Variants in SCARA5 observed in about 807,000 individuals in gnomAD.
SCARA5 encodes the protein scavenger receptor class A member 5.
A neutral mutation model predicts 46.3 loss-of-function variants in SCARA5; 45 were observed. That is an observed-to-expected ratio of 0.97 (90% CI 0.76 to 1.24). The LOEUF (loss-of-function observed/expected upper bound fraction) is 1.24, where lower values mean the gene tolerates loss of function less well. SCARA5 is among the 50% of genes most tolerant of loss of function. SCARA5 has a pLI of 0.00. For synonymous variants in SCARA5, 333 were observed against 306.5 expected (o/e 1.09, Z -0.90); for missense variants, 680 against 689.0 (o/e 0.99, Z 0.15).
At chr8:27,966,688 C>A (rs994694672) in intron 2 of SCARA5, 146 bp from the exon 3 acceptor site, 12 of 832,536 alleles carry the variant, frequency 1.4e-5, no homozygotes, top group Non-Finnish European at 2.0e-5. Context: ...AGAATGCAGC[C>A]ACTTGATGGG....
intron 2 of SCARA5, among the ~76,000 whole-genome samples, chr8:27,984,977 A>G (rs1480226041): frequency 6.6e-6 from 1 of 152,040 alleles, no homozygotes; most frequent in Admixed American, 6.5e-5. Context: ...TCATCCATCC[A>G]TCTATTCCCT....
chr8:27,893,531 TG>T (rs111504727), intron 7 of SCARA5, among the ~76,000 whole-genome samples: 8,946 of 152,232 alleles, frequency 0.059, 317 homozygotes, highest in South Asian at 0.1. Flanking sequence ...ACCCTGGAGC[TG>T]GAAGGGGTCT....
intron 7 of SCARA5, among the ~76,000 whole-genome samples, chr8:27,880,678 C>T (rs1806796966): frequency 6.6e-6 from 1 of 151,744 alleles, no homozygotes; most frequent in African/African-American, 2.4e-5. Flanking sequence ...ATGGGGAAAC[C>T]CTGTCTCTAC....
chr8:27,922,146 T>C lies in SCARA5; in HGVS notation c.341A>G (p.Gln114Arg). 1 of 1,607,434 alleles carries C rather than the reference T, an allele frequency of 6.2e-7. No homozygotes were observed. Among genetic ancestry groups the C allele is most frequent in the Non-Finnish European group, 8.5e-7 (1 of 1,177,792 alleles). Reference protein sequence around the residue: ...SFRDLQLRLLQAPLQADLTEQ... With the variant: ...SFRDLQLRLLRAPLQADLTEQ... ...CGTCAGGTCCGCTTGCAGCGGAGCC[T>C]GCAGCAGCCGCAGCTGCAAGTCCCG... is the stretch of plus-strand genomic sequence containing the variant. The change falls in exon 4 of 9, where the codon CAG becomes CGG. Residue 114 changes from glutamine (Q) to arginine (R), a missense_variant. Coordinates refer to ENST00000354914, the MANE Select transcript of SCARA5 (RefSeq NM_173833.6).
At position 27,969,419 on chromosome 8, in the gene SCARA5, A is replaced by G. The variant is rs151254665; in HGVS notation, c.113-2877T>C. Among the ~76,000 whole-genome samples the G allele has an allele frequency of 3.0e-3, 460 of 152,336 alleles. 3 individuals are homozygous for G. The highest frequency in any genetic ancestry group is 0.01 in the African/African-American group (419 of 41,574). The stretch of plus-strand genomic sequence containing the variant: ...CCAATCTAAAAAAGCTACATACCGT[A>G]TGATTCTAACTATGTGATATTCTGG... On this transcript the variant is annotated intron_variant, in intron 2 of 8. Coordinates refer to ENST00000354914, the MANE Select transcript of SCARA5 (RefSeq NM_173833.6).
At chr8:27,959,505 G>A (rs74796903) in intron 3 of SCARA5, among the ~76,000 whole-genome samples, 10 of 152,268 alleles carry the variant, frequency 6.6e-5, no homozygotes, top group African/African-American at 2.2e-4. Flanking sequence ...TCATGAAAGA[G>A]CTCTCCCGGA....
chr8:27,986,933 G>T (rs1362124118), intron 2 of SCARA5, among the ~76,000 whole-genome samples: 1 of 152,222 alleles, frequency 6.6e-6, no homozygotes, highest in Non-Finnish European at 1.5e-5. Context: ...AAAGCGCTCT[G>T]GGCTCCTCCA....
intron 3 of SCARA5, among the ~76,000 whole-genome samples, chr8:27,942,390 C>T (rs1185658831): frequency 1.3e-5 from 2 of 152,168 alleles, no homozygotes; most frequent in African/African-American, 4.8e-5. Flanking sequence ...AGATCCAGAA[C>T]GCTGTTCTCT....
intron 8 of SCARA5, 33 bp downstream of exon 8, chr8:27,879,536 C>G (rs1806775467): frequency 6.3e-7 from 1 of 1,594,030 alleles, no homozygotes; most frequent in African/African-American, 1.3e-5. Flanking sequence ...TGCAGGCCCT[C>G]TCCTCATGTT....
At chr8:27,989,713 C>A (rs1369655235) in intron 1 of SCARA5, among the ~76,000 whole-genome samples, 1 of 152,194 alleles carries the variant, frequency 6.6e-6, no homozygotes, top group African/African-American at 2.4e-5. Flanking sequence ...CTCCTCCCTG[C>A]CCCAGACACC....
chr8:27,925,788 G>A (rs1452475122), intron 3 of SCARA5, among the ~76,000 whole-genome samples: 1 of 152,154 alleles, frequency 6.6e-6, no homozygotes, highest in Non-Finnish European at 1.5e-5. Context: ...AGTGGGCAAA[G>A]GATATGAACA....
At chr8:27,976,302 C>A (rs1258490470) in intron 2 of SCARA5, among the ~76,000 whole-genome samples, 2 of 152,122 alleles carry the variant, frequency 1.3e-5, no homozygotes, top group Non-Finnish European at 2.9e-5. Context: ...GGATTAGAAG[C>A]TATGCGGCAT....
chr8:27,976,875 C>G (rs2129964015), intron 2 of SCARA5, among the ~76,000 whole-genome samples: 1 of 152,332 alleles, frequency 6.6e-6, no homozygotes, highest in East Asian at 1.9e-4. Flanking sequence ...CCCCACAAAA[C>G]CTCACAGCCT....
chr8:27,956,262 T>G (rs1808204783), intron 3 of SCARA5, among the ~76,000 whole-genome samples: 2 of 152,130 alleles, frequency 1.3e-5, no homozygotes. Flanking sequence ...AATATACCCA[T>G]GTAACAAACC....
At chr8:27,977,903 G>A (rs774764255) in intron 2 of SCARA5, among the ~76,000 whole-genome samples, 15 of 152,138 alleles carry the variant, frequency 9.9e-5, no homozygotes, top group Non-Finnish European at 1.9e-4. Context: ...CAGCATGAGA[G>A]AAAAATACAT....
chr8:27,873,201 C>G (rs1806667700), intron 8 of SCARA5, among the ~76,000 whole-genome samples: 1 of 152,224 alleles, frequency 6.6e-6, no homozygotes, highest in South Asian at 2.1e-4. Context: ...ATCTCTCCCA[C>G]TCTAGGTTCC....
chr8:27,987,954 C>T (rs905001305), intron 1 of SCARA5, among the ~76,000 whole-genome samples: 1 of 152,184 alleles, frequency 6.6e-6, no homozygotes, highest in African/African-American at 2.4e-5. Flanking sequence ...GTGGGTTACA[C>T]TGGGTGGGGC....
intron 2 of SCARA5, among the ~76,000 whole-genome samples, chr8:27,975,473 G>A (rs1283015336): frequency 6.6e-6 from 1 of 151,708 alleles, no homozygotes; most frequent in African/African-American, 2.4e-5. Flanking sequence ...AGTGGGTGCG[G>A]GGTGGGAGCA....
chr8:27,954,990 A>C (rs1462533143), intron 3 of SCARA5, among the ~76,000 whole-genome samples: 1 of 152,204 alleles, frequency 6.6e-6, no homozygotes, highest in Non-Finnish European at 1.5e-5. Context: ...AGTGCTTTGC[A>C]GAAGCACTCC....
Sources: allele counts gnomAD v4.1 joint callset (sites outside exome capture counted in the v4.1 genomes callset), GRCh38; gene constraint gnomAD v4.1.1; transcripts MANE v1.5; gene names NCBI Gene and HGNC (gene_info 2026-07-23, HGNC 2026-07-21).